Variants in PCSK5 observed in about 807,000 individuals in gnomAD.
PCSK5 encodes prohormone convertase 5.
A neutral mutation model predicts 233.2 loss-of-function variants in PCSK5; 129 were observed. The ratio of observed to expected loss-of-function variants is 0.55; its 90% CI spans 0.48 to 0.64. The LOEUF (loss-of-function observed/expected upper bound fraction) is 0.64, where lower values mean the gene tolerates loss of function less well. Ranked by LOEUF, PCSK5 falls within the 30% of genes least tolerant of loss-of-function variation. The pLI, the probability that PCSK5 is intolerant of heterozygous loss-of-function variation, is 0.00. For synonymous variants in PCSK5, 825 were observed against 879.2 expected (o/e 0.94, Z 1.09); for missense variants, 2,076 against 2,430.1 (o/e 0.85, Z 3.06).
intron 24 of PCSK5, among the ~76,000 whole-genome samples, chr9:76,267,309 T>C (rs1434928883): frequency 6.6e-6 from 1 of 152,144 alleles, no homozygotes; most frequent in East Asian, 1.9e-4. Flanking sequence ...AAGCCAGCAA[T>C]TATCCAAAAG....
At chr9:76,049,251 C>T (rs1829537447) in intron 5 of PCSK5, among the ~76,000 whole-genome samples, 1 of 152,132 alleles carries the variant, frequency 6.6e-6, no homozygotes, top group South Asian at 2.1e-4. Context: ...ATAATAAAAA[C>T]CCATCCCGTA....
At chr9:75,990,707 G>T (rs1029030387) in intron 3 of PCSK5, among the ~76,000 whole-genome samples, 1 of 152,204 alleles carries the variant, frequency 6.6e-6, no homozygotes, top group Admixed American at 6.5e-5. Context: ...GCAACTCCCT[G>T]CTAAAAGTTT....
chr9:75,965,937 T>C (rs191928126), intron 2 of PCSK5, among the ~76,000 whole-genome samples: 45 of 152,300 alleles, frequency 3.0e-4, no homozygotes, highest in African/African-American at 1.0e-3. Flanking sequence ...TGGTTTGTAA[T>C]TGGGAACATG....
intron 21 of PCSK5, among the ~76,000 whole-genome samples, chr9:76,229,449 G>A (rs1826006810): frequency 6.6e-6 from 1 of 152,186 alleles, no homozygotes; most frequent in Non-Finnish European, 1.5e-5. Context: ...GCTCTGTGAT[G>A]CCAGGATCCT....
At chr9:75,913,768 T>TA (rs1822858960) in intron 1 of PCSK5, among the ~76,000 whole-genome samples, 1 of 152,170 alleles carries the variant, frequency 6.6e-6, no homozygotes, top group Non-Finnish European at 1.5e-5. Context: ...TACATGTAAA[T>TA]ACTGAAATAA....
chr9:76,129,044 G>T (rs1201275179), intron 9 of PCSK5, among the ~76,000 whole-genome samples: 1 of 152,094 alleles, frequency 6.6e-6, no homozygotes, highest in Non-Finnish European at 1.5e-5. Context: ...TGGACGGTCA[G>T]TATTTTATTC....
chr9:76,291,437 G>C lies in PCSK5; in HGVS notation c.3143-796G>C, dbSNP rs964266874. On this transcript the variant is annotated intron_variant, in intron 24 of 37. Transcript: ENST00000674117. ...TCTCCTATTAAAATAAGAAGAGCAAGACTGGAAGGTAGGTTAGATCACAGA... is the reference window on the plus strand; with the variant it reads ...TCTCCTATTAAAATAAGAAGAGCAACACTGGAAGGTAGGTTAGATCACAGA... Among the ~76,000 whole-genome samples the C allele has an allele frequency of 4.6e-5, 7 of 152,202 alleles. No homozygotes were observed. In the East Asian group the frequency reaches 1.3e-3, roughly 29 times the overall value.
chr9:76,029,644 G>A (rs1054898726), intron 5 of PCSK5, among the ~76,000 whole-genome samples: 1 of 152,130 alleles, frequency 6.6e-6, no homozygotes, highest in East Asian at 1.9e-4. Context: ...TTAAAGCCAA[G>A]CCCAGCCATG....
intron 24 of PCSK5, among the ~76,000 whole-genome samples, chr9:76,268,883 A>G (rs1827421695): frequency 6.6e-6 from 1 of 152,228 alleles, no homozygotes; most frequent in Non-Finnish European, 1.5e-5. Flanking sequence ...CAAAACTAGA[A>G]GCACCAGGCT....
At chr9:75,998,654 T>G (rs1827127999) in intron 3 of PCSK5, among the ~76,000 whole-genome samples, 1 of 152,236 alleles carries the variant, frequency 6.6e-6, no homozygotes, top group South Asian at 2.1e-4. Flanking sequence ...TGATCTAGTT[T>G]ACATGCTTTC....
chr9:76,323,831 G>C (rs972855131), intron 32 of PCSK5, among the ~76,000 whole-genome samples: 1 of 152,092 alleles, frequency 6.6e-6, no homozygotes, highest in African/African-American at 2.4e-5. Flanking sequence ...CAGCAGAGAG[G>C]AGGAGCCTTC....
At chr9:76,351,526 AAGAAAGGAAGGAAAGAAAG>A in intron 36 of PCSK5, among the ~76,000 whole-genome samples, 1 of 133,784 alleles carries the variant, frequency 7.5e-6, no homozygotes, top group Non-Finnish European at 1.6e-5. Flanking sequence ...GAAAGAAAGA[AAGAAAGGAAGGAAAGAAAG>A]AGAAAGAAGA....
intron 20 of PCSK5, among the ~76,000 whole-genome samples, chr9:76,212,861 A>G (rs1192587791): frequency 6.6e-6 from 1 of 152,254 alleles, no homozygotes; most frequent in Non-Finnish European, 1.5e-5. Flanking sequence ...AAAGTTAAGT[A>G]GCAAGCCTAA....
chr9:76,161,919 G>C (rs1822877976), intron 12 of PCSK5, among the ~76,000 whole-genome samples: 1 of 152,148 alleles, frequency 6.6e-6, no homozygotes, highest in African/African-American at 2.4e-5. Flanking sequence ...CCCTCATCAA[G>C]ACCACCTGGG....
At chr9:76,198,666 T>C (rs942136606) in intron 20 of PCSK5, among the ~76,000 whole-genome samples, 2 of 152,206 alleles carry the variant, frequency 1.3e-5, no homozygotes, top group Non-Finnish European at 2.9e-5. Flanking sequence ...GTGCCTGGGC[T>C]TGACTTTTTC....
Position 76,359,094 on chromosome 9 carries a change from T to C in PCSK5, c.*172T>C, listed in dbSNP as rs1240865022. Reference sequence around the variant, plus strand: ...ATGATGAAATACTTTGTTCTTCTTTTGAGTGGCTAAACTCAATTAACAGTT... The same window carrying C: ...ATGATGAAATACTTTGTTCTTCTTTCGAGTGGCTAAACTCAATTAACAGTT... On this transcript the variant is annotated 3_prime_UTR_variant, in exon 38 of 38. Transcript: ENST00000674117. The C allele has an allele frequency of 1.7e-6, 1 of 600,816 alleles. No homozygotes were observed. The highest frequency in any genetic ancestry group is 2.8e-5 in the East Asian group (1 of 36,188). The allele number at this position is 600,816 out of a possible 1,614,324, so 37.2% of individuals were successfully genotyped here. A position where few individuals can be genotyped will look rare whatever the true frequency, so the allele number is the denominator to read the frequency against.
intron 2 of PCSK5, among the ~76,000 whole-genome samples, chr9:75,955,110 C>G (rs762507823): frequency 6.6e-6 from 1 of 152,174 alleles, no homozygotes; most frequent in Non-Finnish European, 1.5e-5. Context: ...TGGGCAAGTG[C>G]TGTGCATTCA....
At chr9:76,097,420 C>G (rs985993979) in intron 8 of PCSK5, among the ~76,000 whole-genome samples, 1 of 144,176 alleles carries the variant, frequency 6.9e-6, no homozygotes, top group African/African-American at 2.9e-5. Flanking sequence ...CCACCGCGCC[C>G]GGCTAATTTT....
chr9:76,143,086 A>T (rs1823295674), intron 10 of PCSK5, among the ~76,000 whole-genome samples: 2 of 152,170 alleles, frequency 1.3e-5, no homozygotes, highest in African/African-American at 4.8e-5. Context: ...AGGGTGAAAG[A>T]TGTTTGAGAA....
Sources: allele counts gnomAD v4.1 joint callset (sites outside exome capture counted in the v4.1 genomes callset), GRCh38; gene constraint gnomAD v4.1.1; transcripts MANE v1.5; gene names NCBI Gene and HGNC (gene_info 2026-07-23, HGNC 2026-07-21).